MBOAT2: variants seen among roughly 807,000 people sequenced by gnomAD.
The protein encoded by MBOAT2 is membrane bound glycerophospholipid O-acyltransferase 2, also known as membrane-bound glycerophospholipid O-acyltransferase 2.
A neutral mutation model predicts 63.4 loss-of-function variants in MBOAT2; 28 were observed. That is an observed-to-expected ratio of 0.44 (90% CI 0.33 to 0.61). The LOEUF is 0.61. MBOAT2 is among the 20% of genes least tolerant of loss of function. The probability of loss-of-function intolerance (pLI) is 0.03; values close to 1 mark genes in which losing one functional copy is unlikely to be tolerated. For missense variants in MBOAT2, 470 were observed against 605.8 expected, an observed-to-expected ratio of 0.78 and a Z score of 2.35; for synonymous variants, 211 against 215.6, an observed-to-expected ratio of 0.98 and a Z score of 0.19.
Position 8,917,407 on chromosome 2 carries a change from T to C in MBOAT2, c.300-8691A>G, listed in dbSNP as rs192569229. 2.0e-5 allele frequency among the ~76,000 whole-genome samples: 3 copies of C among 151,950 alleles called. No homozygotes were observed. The East Asian group carries it at 5.8e-4, about 29-fold the overall frequency. On this transcript the variant is annotated intron_variant, in intron 3 of 12. Coordinates refer to ENST00000305997, the MANE Select transcript of MBOAT2 (RefSeq NM_138799.4). ...AGAAATAATGAATTATAAAAAAAAA[T>C]TAAACCCAACAGTCAACAGATATGA...
chr2:8,953,710 C>T (rs896251644), intron 2 of MBOAT2, among the ~76,000 whole-genome samples: 1 of 152,166 alleles, frequency 6.6e-6, no homozygotes, highest in East Asian at 1.9e-4. Context: ...TTCTTTTGGT[C>T]CAGTCTACTG....
At chr2:8,969,576 C>A (rs1016173904) in intron 1 of MBOAT2, among the ~76,000 whole-genome samples, 1 of 152,226 alleles carries the variant, frequency 6.6e-6, no homozygotes, top group South Asian at 2.1e-4. Flanking sequence ...CACAGACTGG[C>A]AAATTGGACA....
chr2:8,997,221 T>C (rs1672373191), intron 1 of MBOAT2, among the ~76,000 whole-genome samples: 1 of 152,234 alleles, frequency 6.6e-6, no homozygotes, highest in Admixed American at 6.5e-5. Flanking sequence ...GCTATCATTG[T>C]AGAGTCCCAC....
chr2:8,884,408 C>T (rs1663390791), intron 5 of MBOAT2, among the ~76,000 whole-genome samples: 1 of 151,108 alleles, frequency 6.6e-6, no homozygotes, highest in Admixed American at 6.6e-5. Flanking sequence ...GATTTAAACC[C>T]CAAAAAAGGG....
intron 2 of MBOAT2, among the ~76,000 whole-genome samples, chr2:8,946,760 T>C (rs1573131167): frequency 6.6e-6 from 1 of 152,204 alleles, no homozygotes; most frequent in African/African-American, 2.4e-5. Flanking sequence ...AAGAACTTAA[T>C]TGATAAATGT....
At chr2:8,871,754 CA>C (rs1000898905) in intron 8 of MBOAT2, among the ~76,000 whole-genome samples, 6 of 152,062 alleles carry the variant, frequency 3.9e-5, no homozygotes, top group Non-Finnish European at 8.8e-5. Context: ...AATCCAGCCC[CA>C]AACTGTATTT....
intron 1 of MBOAT2, among the ~76,000 whole-genome samples, chr2:8,979,119 T>C (rs995605661): frequency 2.6e-5 from 4 of 152,172 alleles, no homozygotes; most frequent in Non-Finnish European, 4.4e-5. Flanking sequence ...TTCCATTAGA[T>C]ACAATGTCAG....
intron 7 of MBOAT2, 42 bp from the exon 8 acceptor site, chr2:8,873,342 TC>T: frequency 6.4e-7 from 1 of 1,573,692 alleles, no homozygotes; most frequent in South Asian, 1.1e-5. Context: ...TTATCCATGC[TC>T]CTTTTAATTC....
chr2:8,983,184 A>T (rs1330877652), intron 1 of MBOAT2, among the ~76,000 whole-genome samples: 1 of 152,148 alleles, frequency 6.6e-6, no homozygotes, highest in African/African-American at 2.4e-5. Flanking sequence ...ACAGATATGA[A>T]ATCATATGAT....
intron 5 of MBOAT2, among the ~76,000 whole-genome samples, chr2:8,885,462 G>A (rs1255049377): frequency 2.6e-5 from 4 of 151,868 alleles, no homozygotes; most frequent in Admixed American, 6.6e-5. Context: ...ATCCAAAATC[G>A]GAAACACTTT....
At chr2:8,999,018 CTG>C (rs1205557681) in intron 1 of MBOAT2, among the ~76,000 whole-genome samples, 1 of 152,158 alleles carries the variant, frequency 6.6e-6, no homozygotes. Context: ...GCTTTGAAAA[CTG>C]TATTAAGTGT....
intron 3 of MBOAT2, among the ~76,000 whole-genome samples, chr2:8,931,835 A>G (rs1311656692): frequency 6.6e-6 from 1 of 152,128 alleles, no homozygotes; most frequent in Non-Finnish European, 1.5e-5. Context: ...CCATTTATTA[A>G]ATAGGGAATC....
intron 1 of MBOAT2, among the ~76,000 whole-genome samples, chr2:8,962,254 T>C (rs1669661283): frequency 6.6e-6 from 1 of 152,216 alleles, no homozygotes; most frequent in Non-Finnish European, 1.5e-5. Context: ...TCAGGTAGTC[T>C]AGATCTAGAA....
At position 8,858,549 on chromosome 2, in the gene MBOAT2, T is replaced by C. The variant is rs1023771840; in HGVS notation, c.*130A>G. The C allele has an allele frequency of 1.5e-6, 1 of 658,886 alleles. No homozygotes were observed. Among genetic ancestry groups the C allele is most frequent in the Non-Finnish European group, 2.5e-6 (1 of 393,704 alleles). The allele number at this position is 658,886 out of a possible 1,614,324, so 40.8% of individuals were successfully genotyped here. ...CATTTCCAATCTGGTGTACAGGAAA[T>C]TCCTTATCTATAACTGTCCATTTCC... On this transcript the variant is annotated 3_prime_UTR_variant, in exon 13 of 13. Transcript: ENST00000305997.
At chr2:8,910,642 G>A (rs2148590768) in intron 3 of MBOAT2, among the ~76,000 whole-genome samples, 1 of 152,202 alleles carries the variant, frequency 6.6e-6, no homozygotes, top group African/African-American at 2.4e-5. Context: ...ATAAAAAAAA[G>A]TTTTTAAGAA....
intron 2 of MBOAT2, among the ~76,000 whole-genome samples, chr2:8,948,402 T>C (rs1668575628): frequency 6.6e-6 from 1 of 152,176 alleles, no homozygotes; most frequent in African/African-American, 2.4e-5. Context: ...GTATATTCCA[T>C]AATGATGAGG....
At position 8,878,630 on chromosome 2, in the gene MBOAT2, C is replaced by T. The variant is rs573858299; in HGVS notation, c.507-1417G>A. Reference sequence around the variant, plus strand: ...CTGAGTAGCTGGGATGACAAGCACACACCACCTTGCCTAGCTTAGCATATA... The same window carrying T: ...CTGAGTAGCTGGGATGACAAGCACATACCACCTTGCCTAGCTTAGCATATA... On this transcript the variant is annotated intron_variant, in intron 6 of 12. Transcript: ENST00000305997. Among the ~76,000 whole-genome samples the T allele has an allele frequency of 4.6e-5, 7 of 152,336 alleles. No individual in the cohort carries two copies. The South Asian group carries it at 6.2e-4, about 14-fold the overall frequency.
chr2:8,879,948 G>C (rs757263160), intron 6 of MBOAT2, among the ~76,000 whole-genome samples: 11 of 152,230 alleles, frequency 7.2e-5, no homozygotes, highest in Non-Finnish European at 1.6e-4. Context: ...TTTTGATAGA[G>C]TGAGCTGCAC....
chr2:8,968,544 GT>G (rs1391958521), intron 1 of MBOAT2, among the ~76,000 whole-genome samples: 2 of 152,246 alleles, frequency 1.3e-5, no homozygotes, highest in African/African-American at 2.4e-5. Context: ...ACTTTGACGA[GT>G]TGAGAGAAGA....
Sources: allele counts gnomAD v4.1 joint callset (sites outside exome capture counted in the v4.1 genomes callset), GRCh38; gene constraint gnomAD v4.1.1; transcripts MANE v1.5; gene names NCBI Gene and HGNC (gene_info 2026-07-23, HGNC 2026-07-21).